DMPK: variants seen among roughly 807,000 people sequenced by gnomAD.
DMPK encodes the protein DM1 protein kinase, also known as myotonin-protein kinase.
A neutral mutation model predicts 70.3 loss-of-function variants in DMPK; 32 were observed. That is an observed-to-expected ratio of 0.46 (90% CI 0.34 to 0.61). The LOEUF (loss-of-function observed/expected upper bound fraction) is 0.61. DMPK is among the 20% of genes least tolerant of loss of function. The pLI, the probability that DMPK is intolerant of heterozygous loss-of-function variation, is 0.01. For missense variants in DMPK, 899 were observed against 886.0 expected (o/e 1.01, Z -0.19); for synonymous variants, 469 against 390.9 (o/e 1.20, Z -2.36).
Position 45,771,662 on chromosome 19 carries a change from T to C in DMPK, c.1506A>G (p.Gln502=), listed in dbSNP as rs202070753. Residue 502 remains glutamine (Q), a synonymous_variant, in exon 12 of 15, where the codon CAA becomes CAG. Transcript: ENST00000291270. ...IRTDNQNFAS[Q]LREAEARNRD... is the part of the protein sequence containing the mutation. ...GGTTCCGAGCCTCTGCCTCGCGTAGTTGACTGTGGGGAGGTAAGGACGGTG... is the reference window on the plus strand; with the variant it reads ...GGTTCCGAGCCTCTGCCTCGCGTAGCTGACTGTGGGGAGGTAAGGACGGTG... 9 of 1,613,932 alleles carry C rather than the reference T, an allele frequency of 5.6e-6. No individual in the cohort carries two copies. In the East Asian group the frequency reaches 2.0e-4, roughly 36 times the overall value.
intron 14 of DMPK, 114 bp from the exon 15 acceptor site, chr19:45,770,754 C>T: frequency 3.2e-6 from 4 of 1,269,838 alleles, no homozygotes; most frequent in East Asian, 2.5e-5. Context: ...CCGCCCCCGC[C>T]CCAACAGCCT....
intron 1 of DMPK, chr19:45,780,702 G>C: frequency 5.2e-5 from 35 of 678,510 alleles, no homozygotes; most frequent in South Asian, 1.2e-4. Context: ...GGGAAGGAGA[G>C]GAGACAGTGG....
chr19:45,771,030 G>T lies in DMPK; in HGVS notation c.1678C>A (p.Gln560Lys), dbSNP rs954731550. Residue 560 changes from glutamine (Q) to lysine (K), a missense_variant, in exon 14 of 15, where the codon CAG becomes AAG. This residue lies in a region of DMPK where 555 missense variants were observed against 483.8 expected (regional missense o/e 1.15). Coordinates refer to ENST00000291270, the MANE Select transcript of DMPK (RefSeq NM_004409.5). ...GGGCCTGGCCCCACCAGCGGGCACT[G>T]GCCCACAGCCACGGCCGGGGGGCCA... Reference protein sequence around the residue: ...LDGPPAVAVGQCPLVGPGPMH... With the variant: ...LDGPPAVAVGKCPLVGPGPMH... 1.3e-6 allele frequency: 2 copies of T among 1,498,192 alleles called. No homozygotes were observed. Among genetic ancestry groups the T allele is most frequent in the African/African-American group, 1.4e-5 (1 of 70,284 alleles). 92.8% of individuals were successfully genotyped at this position (1,498,192 alleles called of 1,614,324 possible).
Position 45,770,057 on chromosome 19 carries a change from C to A in DMPK, c.*431G>T. 2.1e-6 allele frequency: 1 copy of A among 476,288 alleles called. No homozygotes were observed. The highest frequency in any genetic ancestry group is 3.9e-6 in the Non-Finnish European group (1 of 253,736). 29.5% of individuals were successfully genotyped at this position (476,288 alleles called of 1,614,324 possible). ...GAGCAGGGCGTCATGCACAAGAAAG[C>A]TTTGCACTTTGCGAACCAACGATAG... On this transcript the variant is annotated 3_prime_UTR_variant, in exon 15 of 15. Transcript: ENST00000291270.
intron 9 of DMPK, among the ~76,000 whole-genome samples, chr19:45,774,172 G>A (rs961318688): frequency 1.3e-5 from 2 of 151,214 alleles, no homozygotes; most frequent in Non-Finnish European, 2.9e-5. Context: ...GGCTGGTCTC[G>A]AACTCCTGAC....
In DMPK at chr19:45,771,239, G is replaced by T. The variant is rs751430456; in HGVS notation, c.1647+111C>A. On this transcript the variant is annotated intron_variant, in intron 13 of 14. Coordinates refer to ENST00000291270, the MANE Select transcript of DMPK (RefSeq NM_004409.5). ...GAATAAAGGGCTTCTGCCCTCTAAAGTCGCAAAGACGTAGGGTGAGCCCTA... is the reference window on the plus strand; with the variant it reads ...GAATAAAGGGCTTCTGCCCTCTAAATTCGCAAAGACGTAGGGTGAGCCCTA... 1.8e-5 allele frequency: 26 copies of T among 1,427,194 alleles called. No individual in the cohort carries two copies. In the Middle Eastern group the frequency reaches 5.5e-4, roughly 30 times the overall value. 88.4% of individuals were successfully genotyped at this position (1,427,194 alleles called of 1,614,324 possible).
rs75823295 is a variant in DMPK at position 45,780,323 on chromosome 19, C to G, written c.161-454G>C. The stretch of plus-strand genomic sequence containing the variant: ...CCAGACGTGGGGTTGTATCCAGTAC[C>G]TCTAGATTCAGATGCAGGTGGTTCT... On this transcript the variant is annotated intron_variant, in intron 1 of 14. Coordinates refer to ENST00000291270, the MANE Select transcript of DMPK (RefSeq NM_004409.5). 1.9e-6 allele frequency: 3 copies of G among 1,558,772 alleles called. No homozygotes were observed. The African/African-American group carries it at 4.0e-5, about 21-fold the overall frequency.
rs138303455 is a variant in DMPK, at chr19:45,778,633, G to A, written c.441C>T (p.Val147=). 6.2e-7 allele frequency: 1 copy of A among 1,613,410 alleles called. No homozygotes were observed. Among genetic ancestry groups the A allele is most frequent in the African/African-American group, 1.3e-5 (1 of 74,866 alleles). ...AFQDENYLYL[V]MEYYVGGDLL... ...GGTCCCCGCCCACGTAATACTCCAT[G>A]ACCAGGTACTGAGAAGGGGTTCGTC... Residue 147 remains valine (V), a synonymous_variant, in exon 5 of 15, where the codon GTC becomes GTT. Coordinates refer to ENST00000291270, the MANE Select transcript of DMPK (RefSeq NM_004409.5).
At chr19:45,776,389 C>T (rs534572562) in intron 8 of DMPK, among the ~76,000 whole-genome samples, 4 of 148,578 alleles carry the variant, frequency 2.7e-5, no homozygotes, top group African/African-American at 7.5e-5. Flanking sequence ...GTGATCCACC[C>T]GCCTCGGCCT....
In DMPK at chr19:45,771,906, G is replaced by C. The variant is rs138229648; in HGVS notation, c.1367C>G (p.Ala456Gly). 859 of 1,596,000 alleles carry C rather than the reference G, an allele frequency of 5.4e-4. 4 individuals are homozygous for C. Among genetic ancestry groups the C allele is most frequent in the Non-Finnish European group, 1.4e-4 (167 of 1,171,388 alleles). ...GGCCTCAGCCTCTGCCGCAGGGACA[G>C]CCGCTGGAACTGCCACTTCAGCCTG... ...DETAEVAVPA[A>G]VPAAEAEAEV... Residue 456 changes from alanine to glycine, a missense_variant, in exon 11 of 15, where the codon GCT becomes GGT. By Grantham distance (60) the Ala-to-Gly change is moderately conservative. Coordinates refer to ENST00000291270, the MANE Select transcript of DMPK (RefSeq NM_004409.5).
At position 45,777,881 on chromosome 19, in the gene DMPK, A is replaced by T; in HGVS notation, c.676-8T>A. ...AGCCACCAGCGACCGCACCTGGACC[A>T]AAAGGAGCAGAGCGAGGCTTGGGCC... On this transcript the variant is annotated splice_polypyrimidine_tract_variant and splice_region_variant and intron_variant, in intron 6 of 14. Transcript: ENST00000291270. This position sits in a 1 kb window ranked among gnomAD's most constrained non-coding sequence, Gnocchi z 6.7. The T allele has an allele frequency of 6.2e-7, 1 of 1,604,166 alleles. No individual in the cohort carries two copies. Among genetic ancestry groups the T allele is most frequent in the Non-Finnish European group, 8.5e-7 (1 of 1,177,716 alleles).
At chr19:45,781,532 CTGGGGG>C (rs1277447208) in intron 1 of DMPK, among the ~76,000 whole-genome samples, 1 of 149,518 alleles carries the variant, frequency 6.7e-6, no homozygotes, top group East Asian at 2.0e-4. Context: ...GACTTTGGGG[CTGGGGG>C]TGGGGGTGGG....
chr19:45,778,378 C>CG (rs1555788604), intron 5 of DMPK, 115 bp downstream of exon 5: 26 of 1,428,672 alleles, frequency 1.8e-5, no homozygotes, highest in Non-Finnish European at 2.5e-5. Context: ...AGGCACCCCC[C>CG]GGTGGGCCCC....
At chr19:45,774,171 C>T (rs886329703) in intron 9 of DMPK, among the ~76,000 whole-genome samples, 30 of 151,522 alleles carry the variant, frequency 2.0e-4, no homozygotes, top group Admixed American at 3.3e-4. Context: ...AGGCTGGTCT[C>T]GAACTCCTGA....
In DMPK at chr19:45,779,817, G is replaced by A. The variant is rs751845196; in HGVS notation, c.213C>T (p.Phe71=). The change falls in exon 2 of 15, where the codon TTC becomes TTT. Residue 71 remains phenylalanine (F), a synonymous_variant. Transcript: ENST00000291270. ...LKEVRLQRDD[F]EILKVIGRGA... is the part of the protein sequence containing the mutation. ...CGCGTCCGATCACCTTCAGAATCTC[G>A]AAGTCGTCCCTCTGCAGTCGGACCT... 2.5e-6 allele frequency: 4 copies of A among 1,585,064 alleles called. No homozygotes were observed. The highest frequency in any genetic ancestry group is 1.8e-5 in the Admixed American group (1 of 57,136).
intron 9 of DMPK, 25 bp downstream of exon 9, chr19:45,774,924 G>A (rs1459184213): frequency 6.2e-7 from 1 of 1,601,370 alleles, no homozygotes; most frequent in Non-Finnish European, 8.6e-7. Context: ...CGTGGCCCCT[G>A]GAGGCCGTCC....
chr19:45,775,292 T>G (rs1247060294), intron 8 of DMPK: 6 of 384,674 alleles, frequency 1.6e-5, no homozygotes, highest in African/African-American at 1.3e-4. Context: ...CTCAGCGTCC[T>G]GAGTAGCTGA....
At chr19:45,774,182 C>T (rs1969644408) in intron 9 of DMPK, among the ~76,000 whole-genome samples, 1 of 151,736 alleles carries the variant, frequency 6.6e-6, no homozygotes, top group Non-Finnish European at 1.5e-5. Context: ...GAACTCCTGA[C>T]CTCAGGTGAT....
chr19:45,782,104 G>GA, intron 1 of DMPK, 89 bp downstream of exon 1: 1 of 722,490 alleles, frequency 1.4e-6, no homozygotes, highest in Non-Finnish European at 2.0e-6. Flanking sequence ...CTGCCATCCT[G>GA]CCCCCCCAAC....
Sources: gnomAD v4.1 joint callset for allele counts (sites outside exome capture counted in the v4.1 genomes callset) on GRCh38, gnomAD v4.1.1 for gene constraint, gnomAD v4.1.1 regional missense constraint, Gnocchi (gnomAD v3.1) non-coding constraint, MANE v1.5 for transcripts, NCBI Gene and HGNC (gene_info 2026-07-23, HGNC 2026-07-21) for gene names.